ADK: variants seen among roughly 807,000 people sequenced by gnomAD.
The protein encoded by ADK is adenosine kinase, also known as N6,N6-dimethyladenosine kinase.
ADK carries 24 observed loss-of-function variants against 44.7 expected under a neutral mutation model. The ratio of observed to expected loss-of-function variants is 0.54; its 90% CI spans 0.39 to 0.76. The LOEUF (loss-of-function observed/expected upper bound fraction) is 0.76, where lower values mean the gene tolerates loss of function less well. ADK is among the 30% of genes least tolerant of loss of function. The pLI is 0.00. For synonymous variants in ADK, 128 were observed against 142.6 expected, an observed-to-expected ratio of 0.90 and a Z score of 0.73; for missense variants, 321 against 425.1, an observed-to-expected ratio of 0.76 and a Z score of 2.15.
chr10:74,397,692 T>C (rs976047392), intron 5 of ADK, among the ~76,000 whole-genome samples: 1 of 152,034 alleles, frequency 6.6e-6, no homozygotes, highest in Non-Finnish European at 1.5e-5. Context: ...TGTGCACCAC[T>C]ACCCCCAGCT....
chr10:74,518,728 A>C (rs1848694274), intron 6 of ADK, among the ~76,000 whole-genome samples: 1 of 152,204 alleles, frequency 6.6e-6, no homozygotes, highest in Non-Finnish European at 1.5e-5. Context: ...ACATCTAACC[A>C]TATTACCAAA....
At chr10:74,356,013 T>TTTG (rs1842131644) in intron 4 of ADK, among the ~76,000 whole-genome samples, 1 of 132,074 alleles carries the variant, frequency 7.6e-6, no homozygotes, top group Non-Finnish European at 1.6e-5. Flanking sequence ...TTTTTTTTTT[T>TTTG]TTTTTTTTTT....
At chr10:74,284,986 A>C (rs1186800507) in intron 3 of ADK, among the ~76,000 whole-genome samples, 1 of 152,222 alleles carries the variant, frequency 6.6e-6, no homozygotes, top group Non-Finnish European at 1.5e-5. Flanking sequence ...AAATGCTAAT[A>C]ATATAGTATA....
intron 10 of ADK, among the ~76,000 whole-genome samples, chr10:74,702,524 T>TTTCCTTCATTCCTTCCTTCC: frequency 8.3e-6 from 1 of 120,886 alleles, no homozygotes; most frequent in African/African-American, 3.2e-5. Context: ...TCCTTCCTTC[T>TTTCCTTCATTCCTTCCTTCC]TTCCTTCCTT....
chr10:74,317,563 G>GAA (rs11310691), intron 4 of ADK, among the ~76,000 whole-genome samples: 4 of 131,132 alleles, frequency 3.1e-5, no homozygotes, highest in Admixed American at 7.7e-5. Context: ...CTGTCTCTAG[G>GAA]AAAAAAAAAA....
intron 9 of ADK, among the ~76,000 whole-genome samples, chr10:74,614,955 A>G (rs774500253): frequency 1.3e-5 from 2 of 152,210 alleles, no homozygotes; most frequent in Admixed American, 6.5e-5. Context: ...ATATGTTTAT[A>G]TATTTTTAAA....
chr10:74,597,707 G>C (rs989578969), intron 8 of ADK, among the ~76,000 whole-genome samples: 1 of 152,166 alleles, frequency 6.6e-6, no homozygotes, highest in African/African-American at 2.4e-5. Flanking sequence ...GAGGTACACA[G>C]TGTCACAGAT....
chr10:74,326,848 CTT>C (rs1841037465), intron 4 of ADK, among the ~76,000 whole-genome samples: 1 of 151,992 alleles, frequency 6.6e-6, no homozygotes, highest in African/African-American at 2.4e-5. Context: ...ATGAGAGTCT[CTT>C]ATAATTCTTT....
In ADK at chr10:74,416,015, T is replaced by A. The variant is rs896841419; in HGVS notation, c.555+17436T>A. ...ATATATATATACATACATTTATATATACACACACATACATATATACACACA... is the reference window on the plus strand; with the variant it reads ...ATATATATATACATACATTTATATAAACACACACATACATATATACACACA... On this transcript the variant is annotated intron_variant, in intron 6 of 10. Transcript: ENST00000539909. Among the ~76,000 whole-genome samples, 3 of 129,240 alleles carry A rather than the reference T, an allele frequency of 2.3e-5. No individual in the cohort carries two copies. In the East Asian group the frequency reaches 6.2e-4, roughly 27 times the overall value. The allele number at this position is 129,240 out of a possible 152,430, so 84.8% of individuals were successfully genotyped here. A position where few individuals can be genotyped will look rare whatever the true frequency, so the allele number is the denominator to read the frequency against.
chr10:74,205,470 G>T (rs535330054), intron 2 of ADK, among the ~76,000 whole-genome samples: 1 of 152,242 alleles, frequency 6.6e-6, no homozygotes, highest in Admixed American at 6.5e-5. Flanking sequence ...GAGGTCAGGA[G>T]TTTGAGACCA....
intron 6 of ADK, among the ~76,000 whole-genome samples, chr10:74,422,927 G>A (rs1844615196): frequency 1.3e-5 from 2 of 152,146 alleles, no homozygotes; most frequent in Admixed American, 6.5e-5. Flanking sequence ...GGAGTGGGGA[G>A]GGGGCTGCAG....
intron 9 of ADK, among the ~76,000 whole-genome samples, chr10:74,645,133 T>G (rs1854009609): frequency 6.6e-6 from 1 of 152,242 alleles, no homozygotes; most frequent in Non-Finnish European, 1.5e-5. Context: ...TTTTCTCTTC[T>G]AATTGTTTAA....
intron 3 of ADK, among the ~76,000 whole-genome samples, chr10:74,304,739 C>A (rs551049163): frequency 3.3e-5 from 5 of 152,270 alleles, no homozygotes; most frequent in Admixed American, 2.6e-4. Context: ...AATCCAAGAA[C>A]AATAGCAGCA....
intron 4 of ADK, among the ~76,000 whole-genome samples, chr10:74,361,472 C>A (rs1274477056): frequency 6.6e-6 from 1 of 152,096 alleles, no homozygotes; most frequent in African/African-American, 2.4e-5. Context: ...AACTGATAAT[C>A]AACTTAACTT....
chr10:74,663,161 G>GGAGGTGGA (rs1564841772), intron 9 of ADK, among the ~76,000 whole-genome samples: 3 of 151,566 alleles, frequency 2.0e-5, no homozygotes, highest in Admixed American at 2.0e-4. Context: ...CCTGAACCCA[G>GGAGGTGGA]GAGGTGGAGG....
At chr10:74,251,595 G>A (rs1591934313) in intron 3 of ADK, among the ~76,000 whole-genome samples, 1 of 151,980 alleles carries the variant, frequency 6.6e-6, no homozygotes, top group African/African-American at 2.4e-5. Context: ...TTACTATCTG[G>A]ATTTTCAGAA....
intron 2 of ADK, 142 bp from the exon 3 acceptor site, chr10:74,224,396 C>T (rs1485255407): frequency 3.0e-5 from 21 of 694,966 alleles, no homozygotes; most frequent in East Asian, 5.7e-5. Context: ...AGCAAAAAAC[C>T]GTCTACTTGG....
At chr10:74,523,474 T>C (rs10824198) in intron 6 of ADK, among the ~76,000 whole-genome samples, 95,387 of 151,936 alleles carry the variant, frequency 0.63, 31,924 homozygotes, top group Middle Eastern at 0.8. Flanking sequence ...CCTCTTGTTT[T>C]CTCCTTTTCC....
intron 7 of ADK, among the ~76,000 whole-genome samples, chr10:74,546,827 A>G (rs1849835071): frequency 6.6e-6 from 1 of 152,132 alleles, no homozygotes; most frequent in Non-Finnish European, 1.5e-5. Context: ...ACAAAGATTC[A>G]TGGATTATAC....
Sources: allele counts gnomAD v4.1 joint callset (sites outside exome capture counted in the v4.1 genomes callset), GRCh38; gene constraint gnomAD v4.1.1; transcripts MANE v1.5; gene names NCBI Gene and HGNC (gene_info 2026-07-23, HGNC 2026-07-21).